Variants in KLF12 observed in about 807,000 individuals in gnomAD.
The protein encoded by KLF12 is Krueppel-like factor 12.
A neutral mutation model predicts 37.8 loss-of-function variants in KLF12; 9 were observed. The ratio of observed to expected loss-of-function variants is 0.24; its 90% confidence interval spans 0.14 to 0.42. KLF12 has a LOEUF of 0.42. Ranked by LOEUF, KLF12 falls within the 10% of genes least tolerant of loss-of-function variation. The probability of loss-of-function intolerance (pLI) is 1.00; values close to 1 mark genes in which losing one functional copy is unlikely to be tolerated. For synonymous variants in KLF12, 208 were observed against 202.1 expected (o/e 1.03, Z -0.25); for missense variants, 411 against 516.0 (o/e 0.80, Z 1.97).
At chr13:73,848,655 T>G (rs1182295756) in intron 3 of KLF12, among the ~76,000 whole-genome samples, 1 of 150,992 alleles carries the variant, frequency 6.6e-6, no homozygotes, top group South Asian at 2.1e-4. Context: ...TAGCTTTCAT[T>G]AGAAACTTGT....
intron 3 of KLF12, among the ~76,000 whole-genome samples, chr13:73,863,504 T>G (rs940534490): frequency 2.6e-5 from 4 of 152,174 alleles, no homozygotes; most frequent in African/African-American, 9.6e-5. Flanking sequence ...AAATGCACAC[T>G]GCTTGACACA....
chr13:74,275,859 T>C, the KLF12 span, among the ~76,000 whole-genome samples: 9 of 123,076 alleles, frequency 7.3e-5, no homozygotes, highest in Non-Finnish European at 1.5e-4. Flanking sequence ...TCTTTCTTTC[T>C]TTCTTTCTAT....
chr13:73,939,415 CATT>C (rs1362810931), intron 3 of KLF12, among the ~76,000 whole-genome samples: 1 of 151,934 alleles, frequency 6.6e-6, no homozygotes, highest in Non-Finnish European at 1.5e-5. Flanking sequence ...CTGTTATTGA[CATT>C]ATTTTTTGTG....
At chr13:74,293,823 A>G in the KLF12 span, among the ~76,000 whole-genome samples, 1 of 152,212 alleles carries the variant, frequency 6.6e-6, no homozygotes, top group African/African-American at 2.4e-5. Context: ...TTTTCTAGAA[A>G]CTTCTGAACA....
the KLF12 span, among the ~76,000 whole-genome samples, chr13:74,255,374 T>C: frequency 5.9e-5 from 9 of 152,222 alleles, no homozygotes; most frequent in African/African-American, 2.2e-4. Flanking sequence ...ATAACATCAT[T>C]GTTTTTGATG....
chr13:73,849,375 T>TAAAAAAAAAAAAAAAA (rs574332239), intron 3 of KLF12, among the ~76,000 whole-genome samples: 2 of 98,968 alleles, frequency 2.0e-5, no homozygotes, highest in African/African-American at 9.6e-5. Context: ...GGAGACTCCA[T>TAAAAAAAAAAAAAAAA]AAAAAAAAAA....
At chr13:74,264,081 C>T in the KLF12 span, among the ~76,000 whole-genome samples, 2 of 152,052 alleles carry the variant, frequency 1.3e-5, no homozygotes, top group African/African-American at 4.8e-5. Context: ...TGTCAGTGAT[C>T]GAAGGATGAC....
chr13:74,087,674 C>T (rs9543528), intron 1 of KLF12, among the ~76,000 whole-genome samples: 29,339 of 152,120 alleles, frequency 0.19, 2,996 homozygotes, highest in African/African-American at 0.27. Flanking sequence ...CATATGATTC[C>T]AAGCATGTCA....
intron 6 of KLF12, among the ~76,000 whole-genome samples, chr13:73,758,094 C>T (rs1879298445): frequency 1.3e-5 from 2 of 151,742 alleles, no homozygotes; most frequent in African/African-American, 4.8e-5. Context: ...AGGGGTTGGT[C>T]TTGCTATGTT....
chr13:73,871,236 A>G (rs1435785186), intron 3 of KLF12, among the ~76,000 whole-genome samples: 2 of 152,140 alleles, frequency 1.3e-5, no homozygotes, highest in African/African-American at 4.8e-5. Context: ...AGTACTCGCA[A>G]CAGCAGCAGC....
At chr13:74,035,789 T>G (rs1259690973) in intron 1 of KLF12, among the ~76,000 whole-genome samples, 3 of 152,230 alleles carry the variant, frequency 2.0e-5, no homozygotes, top group Admixed American at 6.5e-5. Context: ...CAGTTTTAAA[T>G]TGTACACAAA....
intron 6 of KLF12, among the ~76,000 whole-genome samples, chr13:73,755,016 G>C (rs562280571): frequency 1.3e-5 from 2 of 152,248 alleles, no homozygotes; most frequent in Non-Finnish European, 2.9e-5. Flanking sequence ...GGACTGTGCA[G>C]TTTGGGGAAG....
intron 2 of KLF12, among the ~76,000 whole-genome samples, chr13:73,972,643 G>A (rs1443235462): frequency 6.8e-6 from 1 of 147,248 alleles, no homozygotes; most frequent in African/African-American, 2.5e-5. Context: ...CAGCTACAGT[G>A]GAGCAACTTC....
At chr13:74,207,870 C>T in the KLF12 span, among the ~76,000 whole-genome samples, 149 of 152,184 alleles carry the variant, frequency 9.8e-4, no homozygotes, top group African/African-American at 3.3e-3. Flanking sequence ...CCTGAGCCTA[C>T]GGTGAAAAAT....
the KLF12 span, among the ~76,000 whole-genome samples, chr13:74,213,088 G>A: frequency 1.3e-5 from 2 of 151,906 alleles, no homozygotes; most frequent in African/African-American, 2.4e-5. Context: ...GCAAATAAAA[G>A]CTAAAAGTCA....
intron 3 of KLF12, among the ~76,000 whole-genome samples, chr13:73,919,179 T>C (rs948779623): frequency 1.1e-4 from 16 of 152,166 alleles, no homozygotes; most frequent in African/African-American, 3.6e-4. Context: ...CACAGAAAAT[T>C]CATTGATTTA....
At chr13:73,908,426 A>C (rs113198362) in intron 3 of KLF12, among the ~76,000 whole-genome samples, 2 of 146,840 alleles carry the variant, frequency 1.4e-5, no homozygotes, top group African/African-American at 5.0e-5. Context: ...AACAAACAAA[A>C]AAATTAACCT....
intron 1 of KLF12, among the ~76,000 whole-genome samples, chr13:74,006,364 T>A (rs1892408031): frequency 6.6e-6 from 1 of 152,134 alleles, no homozygotes; most frequent in Non-Finnish European, 1.5e-5. Flanking sequence ...AACACATGCT[T>A]TCTCTCTGTG....
chr13:73,811,934 G>A (rs112630606), intron 5 of KLF12, among the ~76,000 whole-genome samples: 354 of 152,084 alleles, frequency 2.3e-3, no homozygotes, highest in African/African-American at 8.2e-3. Flanking sequence ...TCTTTTCTTT[G>A]TTTTTTAATT....
Sources: allele counts gnomAD v4.1 joint callset (sites outside exome capture counted in the v4.1 genomes callset), GRCh38; gene constraint gnomAD v4.1.1; transcripts MANE v1.5; gene names NCBI Gene and HGNC (gene_info 2026-07-23, HGNC 2026-07-21).